The following CCDC117 variants were observed in gnomAD, a reference collection of about 807,000 sequenced individuals.
CCDC117 encodes coiled-coil domain containing 117.
CCDC117 carries 1 observed loss-of-function variant against 23.5 expected under a neutral mutation model. That is an observed-to-expected ratio of 0.04 (90% CI 0.02 to 0.20). CCDC117 has a LOEUF of 0.20. Among genes scored for constraint, CCDC117 ranks in the 10% least tolerant of loss-of-function variants. The pLI is 1.00. For synonymous variants in CCDC117, 132 were observed against 124.8 expected (o/e 1.06, Z -0.39); for missense variants, 383 against 348.2 (o/e 1.10, Z -0.80).
rs564434108 is a variant in CCDC117 at position 28,774,859 on chromosome 22, T to G, written c.239+1081T>G. 2.6e-5 allele frequency among the ~76,000 whole-genome samples: 4 copies of G among 152,294 alleles called. No individual in the cohort carries two copies. The South Asian group carries it at 6.2e-4, about 24-fold the overall frequency. On this transcript the variant is annotated intron_variant, in intron 2 of 4. Transcript: ENST00000249064. ...AGTGCAGTGGCTGTGTTTTTACATT[T>G]GTAGGAAGATATGGTTCACACTGTG...
Position 28,780,950 on chromosome 22 carries a change from G to A in CCDC117, c.242G>A (p.Cys81Tyr), listed in dbSNP as rs201686312. The change falls in exon 3 of 5, where the codon TGT becomes TAT. Residue 81 changes from cysteine to tyrosine, a missense_variant and splice_region_variant. Cys to Tyr is a radical substitution (Grantham distance 194). Transcript: ENST00000249064. ...HKREEEEDDD[C>Y]PVRKKRITEA... ...TGAATTTTTTTTCTTTTTTTCAGTTGTCCAGTAAGAAAGAAAAGGATAACT... is the reference window on the plus strand; with the variant it reads ...TGAATTTTTTTTCTTTTTTTCAGTTATCCAGTAAGAAAGAAAAGGATAACT... The A allele has an allele frequency of 4.7e-5, 75 of 1,602,498 alleles. No homozygotes were observed. In the South Asian group the frequency reaches 5.8e-4, roughly 12 times the overall value.
chr22:28,783,040 G>A (rs1427481409), intron 3 of CCDC117, among the ~76,000 whole-genome samples: 1 of 152,124 alleles, frequency 6.6e-6, no homozygotes, highest in Non-Finnish European at 1.5e-5. Flanking sequence ...AACCCTCTGA[G>A]TATAGTTTTT....
intron 4 of CCDC117, among the ~76,000 whole-genome samples, chr22:28,785,361 G>A (rs987961681): frequency 1.3e-5 from 2 of 151,906 alleles, no homozygotes; most frequent in South Asian, 4.1e-4. Flanking sequence ...GCTAATTTTT[G>A]TATTTTTTGT....
chr22:28,778,513 C>A (rs911358521), intron 2 of CCDC117, among the ~76,000 whole-genome samples: 1 of 151,970 alleles, frequency 6.6e-6, no homozygotes. Flanking sequence ...GGGGCTGAGG[C>A]GGGAGAATTG....
intron 1 of CCDC117, chr22:28,773,474 C>G: frequency 3.8e-6 from 2 of 524,532 alleles, no homozygotes; most frequent in Non-Finnish European, 3.4e-6. Flanking sequence ...GAGGACGTTT[C>G]CCTGGTTTGG....
chr22:28,786,286 T>G lies in CCDC117; in HGVS notation c.800T>G (p.Leu267Trp), dbSNP rs754989005. ...ACAGGGATGTCTCTTTATAATAGTTTGGAGACAGCTACTAGCACAGAAGAA... is the reference window on the plus strand; with the variant it reads ...ACAGGGATGTCTCTTTATAATAGTTGGGAGACAGCTACTAGCACAGAAGAA... Reference protein sequence around the residue: ...RPTGMSLYNSLETATSTEEEM... With the variant: ...RPTGMSLYNSWETATSTEEEM... The change falls in exon 5 of 5, where the codon TTG becomes TGG. Residue 267 changes from leucine (L) to tryptophan (W), a missense_variant. Leu to Trp is a moderately conservative substitution (Grantham distance 61, BLOSUM62 -2). Coordinates refer to ENST00000249064, the MANE Select transcript of CCDC117 (RefSeq NM_173510.4). 41 of 1,614,006 alleles carry G rather than the reference T, an allele frequency of 2.5e-5. No homozygotes were observed. The highest frequency in any genetic ancestry group is 3.4e-5 in the Non-Finnish European group (40 of 1,179,994).
rs1032900541 is a variant in CCDC117 at position 28,773,618 on chromosome 22, C to T, written c.186-107C>T. ...CCATCCCACTAGGCTCAGAAAGGGACGTTTGGTATGTGGGGATGAGCAAGA... is the reference window on the plus strand; with the variant it reads ...CCATCCCACTAGGCTCAGAAAGGGATGTTTGGTATGTGGGGATGAGCAAGA... On this transcript the variant is annotated intron_variant, in intron 1 of 4. Coordinates refer to ENST00000249064, the MANE Select transcript of CCDC117 (RefSeq NM_173510.4). 10 of 856,020 alleles carry T rather than the reference C, an allele frequency of 1.2e-5. No individual in the cohort carries two copies. In the East Asian group the frequency reaches 2.4e-4, roughly 20 times the overall value. The allele number at this position is 856,020 out of a possible 1,614,324, so 53.0% of individuals were successfully genotyped here.
At position 28,780,703 on chromosome 22, in the gene CCDC117, CA is replaced by C. The variant is rs571679757; in HGVS notation, c.240-244del. 9.2e-5 allele frequency among the ~76,000 whole-genome samples: 14 copies of C among 152,268 alleles called. 1 individual carries two copies. The South Asian group carries it at 2.9e-3, about 32-fold the overall frequency. ...AATGACTTTAAGGTCCCACATTGAA[CA>C]CTTACTGTCTGAACAGGCAGAATCT... On this transcript the variant is annotated intron_variant, in intron 2 of 4. Coordinates refer to ENST00000249064, the MANE Select transcript of CCDC117 (RefSeq NM_173510.4).
chr22:28,775,833 G>A (rs1327691771), intron 2 of CCDC117, among the ~76,000 whole-genome samples: 2 of 152,212 alleles, frequency 1.3e-5, no homozygotes, highest in East Asian at 1.9e-4. Flanking sequence ...GGCGGCAGAG[G>A]TTGCAGTGAG....
chr22:28,784,315 C>G (rs970303329), intron 4 of CCDC117, among the ~76,000 whole-genome samples: 2 of 152,190 alleles, frequency 1.3e-5, no homozygotes, highest in Non-Finnish European at 2.9e-5. Flanking sequence ...GTAAAGTGGC[C>G]TGGGGCCCCT....
chr22:28,783,718 C>G, intron 4 of CCDC117, 73 bp downstream of exon 4: 1 of 1,420,350 alleles, frequency 7.0e-7, no homozygotes, highest in Non-Finnish European at 9.8e-7. Context: ...TTCTGCCCAC[C>G]CTGTCCTCAT....
At chr22:28,778,473 T>G (rs746717944) in intron 2 of CCDC117, among the ~76,000 whole-genome samples, 1 of 151,912 alleles carries the variant, frequency 6.6e-6, no homozygotes. Flanking sequence ...CCGGGCGTGG[T>G]GGTGCGCACC....
At chr22:28,775,683 G>A (rs1373500357) in intron 2 of CCDC117, among the ~76,000 whole-genome samples, 1 of 152,104 alleles carries the variant, frequency 6.6e-6, no homozygotes, top group African/African-American at 2.4e-5. Context: ...TGGATCACGA[G>A]GTCAGGAGTT....
chr22:28,783,451 A>C (rs2031414889), intron 3 of CCDC117, 57 bp from the exon 4 acceptor site: 1 of 1,540,900 alleles, frequency 6.5e-7, no homozygotes, highest in Non-Finnish European at 8.8e-7. Context: ...AAATACTAGA[A>C]TATATAATAG....
At chr22:28,779,449 A>G (rs1259604166) in intron 2 of CCDC117, among the ~76,000 whole-genome samples, 2 of 151,354 alleles carry the variant, frequency 1.3e-5, no homozygotes, top group Non-Finnish European at 2.9e-5. Flanking sequence ...CAAGTGATCC[A>G]CCTGCCTCGG....
At position 28,786,362 on chromosome 22, in the gene CCDC117, A is replaced by G; in HGVS notation, c.*36A>G. The stretch of plus-strand genomic sequence containing the variant: ...CTACACTAAAGTTGTCAAATGTTAG[A>G]AGAATCCTGTGTTCAGTTATGAGAC... On this transcript the variant is annotated 3_prime_UTR_variant, in exon 5 of 5. Transcript: ENST00000249064. 6.9e-7 allele frequency: 1 copy of G among 1,459,180 alleles called. No homozygotes were observed. The highest frequency in any genetic ancestry group is 1.4e-5 in the African/African-American group (1 of 71,400). 90.4% of individuals were successfully genotyped at this position (1,459,180 alleles called of 1,614,324 possible). A position where few individuals can be genotyped will look rare whatever the true frequency, so the allele number is the denominator to read the frequency against.
rs754462604 is a variant in CCDC117 at position 28,773,678 on chromosome 22, A to ATTG, written c.186-47_186-46insTTG. 2.0e-6 allele frequency: 3 copies of ATTG among 1,485,870 alleles called. No individual in the cohort carries two copies. In the Admixed American group the frequency reaches 5.1e-5, roughly 25 times the overall value. 92.0% of individuals were successfully genotyped at this position (1,485,870 alleles called of 1,614,324 possible). On this transcript the variant is annotated intron_variant, in intron 1 of 4. Coordinates refer to ENST00000249064, the MANE Select transcript of CCDC117 (RefSeq NM_173510.4). ...CAAGAAAGAGGATACTGAAACCACA[A>ATTG]GCTCGAGTACATTTCTTAATTGACT...
intron 2 of CCDC117, 21 bp downstream of exon 2, chr22:28,773,799 A>T: frequency 6.2e-7 from 1 of 1,603,618 alleles, no homozygotes. Context: ...GTGGTTGTTT[A>T]TTCACTCTGT....
chr22:28,779,192 TAC>T (rs1466527141), intron 2 of CCDC117, among the ~76,000 whole-genome samples: 1 of 88,436 alleles, frequency 1.1e-5, no homozygotes, highest in Non-Finnish European at 2.2e-5. Context: ...AAATATCACA[TAC>T]TTTATTTATT....
Sources: allele counts gnomAD v4.1 joint callset (sites outside exome capture counted in the v4.1 genomes callset), GRCh38; gene constraint gnomAD v4.1.1; transcripts MANE v1.5; gene names NCBI Gene and HGNC (gene_info 2026-07-23, HGNC 2026-07-21).